PELI2: variants seen among roughly 807,000 people sequenced by gnomAD.
The protein encoded by PELI2 is pellino E3 ubiquitin protein ligase family member 2, also known as E3 ubiquitin-protein ligase pellino homolog 2.
Under a neutral mutation model 42.3 loss-of-function variants are expected in PELI2, and 23 were observed. The ratio of observed to expected loss-of-function variants is 0.54; its 90% CI spans 0.39 to 0.77. The LOEUF is 0.77. Among genes scored for constraint, PELI2 ranks in the 30% least tolerant of loss-of-function variants. PELI2 has a pLI of 0.00. For missense variants in PELI2, 463 were observed against 553.2 expected, an observed-to-expected ratio of 0.84 and a Z score of 1.64; for synonymous variants, 245 against 212.2, an observed-to-expected ratio of 1.15 and a Z score of -1.34.
At chr14:56,254,503 A>C (rs1888456858) in intron 2 of PELI2, among the ~76,000 whole-genome samples, 1 of 152,126 alleles carries the variant, frequency 6.6e-6, no homozygotes, top group Non-Finnish European at 1.5e-5. Flanking sequence ...AGCTGGACTA[A>C]AGACTTAAAC....
At chr14:56,157,282 G>T (rs901166990) in intron 1 of PELI2, among the ~76,000 whole-genome samples, 3 of 152,184 alleles carry the variant, frequency 2.0e-5, no homozygotes, top group Non-Finnish European at 4.4e-5. Flanking sequence ...GTAAGAAAAT[G>T]TACTTCTAGA....
At chr14:56,182,760 C>T (rs1254573501) in intron 2 of PELI2, among the ~76,000 whole-genome samples, 1 of 152,138 alleles carries the variant, frequency 6.6e-6, no homozygotes, top group Non-Finnish European at 1.5e-5. Context: ...ACTTTCTTAT[C>T]AGTTGATGAA....
chr14:56,180,114 A>G lies in PELI2; in HGVS notation c.207+1650A>G, dbSNP rs1885525271. Among the ~76,000 whole-genome samples the G allele has an allele frequency of 6.6e-6, 1 of 152,204 alleles. No homozygotes were observed. The highest frequency in any genetic ancestry group is 2.1e-4 in the South Asian group (1 of 4,820). ...TATTTAGATTATTAATCTTTTGATAATTGTCATCTAAGTCTGTGTTTAAAA... is the reference window on the plus strand; with the variant it reads ...TATTTAGATTATTAATCTTTTGATAGTTGTCATCTAAGTCTGTGTTTAAAA... On this transcript the variant is annotated intron_variant, in intron 2 of 5. Coordinates refer to ENST00000267460, the MANE Select transcript of PELI2 (RefSeq NM_021255.3). This position sits in a 1 kb window ranked among gnomAD's most constrained non-coding sequence, Gnocchi z 4.4.
intron 2 of PELI2, among the ~76,000 whole-genome samples, chr14:56,254,677 A>G (rs528314270): frequency 6.6e-6 from 1 of 152,228 alleles, no homozygotes; most frequent in East Asian, 1.9e-4. Context: ...TGCACAGCAA[A>G]GAAACTATCA....
At chr14:56,244,722 C>T (rs1888090809) in intron 2 of PELI2, among the ~76,000 whole-genome samples, 1 of 152,042 alleles carries the variant, frequency 6.6e-6, no homozygotes, top group Non-Finnish European at 1.5e-5. Context: ...CAGCTTTTCT[C>T]CATTGAGTTG....
At chr14:56,279,897 A>G in intron 3 of PELI2, 120 bp downstream of exon 3, 1 of 440,576 alleles carries the variant, frequency 2.3e-6, no homozygotes, top group Non-Finnish European at 4.0e-6. Context: ...AGATAATATA[A>G]AAATTATTCC....
At chr14:56,133,233 T>G (rs1490176166) in intron 1 of PELI2, among the ~76,000 whole-genome samples, 1 of 152,230 alleles carries the variant, frequency 6.6e-6, no homozygotes, top group Non-Finnish European at 1.5e-5. Flanking sequence ...ATTTAATTAA[T>G]GCTAAAAATC....
intron 2 of PELI2, among the ~76,000 whole-genome samples, chr14:56,260,738 C>T (rs145437192): frequency 3.3e-4 from 50 of 152,234 alleles, no homozygotes; most frequent in African/African-American, 1.2e-3. Context: ...CCTCAAGAAG[C>T]GAACACACTC....
intron 2 of PELI2, among the ~76,000 whole-genome samples, chr14:56,223,311 C>A (rs1395287448): frequency 6.6e-6 from 1 of 152,182 alleles, no homozygotes; most frequent in Admixed American, 6.5e-5. Context: ...CTTAGGCTCC[C>A]AGTGCTCTCT....
chr14:56,177,984 G>C (rs1190918562), intron 1 of PELI2, among the ~76,000 whole-genome samples: 1 of 152,046 alleles, frequency 6.6e-6, no homozygotes, highest in Non-Finnish European at 1.5e-5. Context: ...TGTATCTCTG[G>C]GGTCTATTAG....
chr14:56,207,246 C>G (rs1246326199), intron 2 of PELI2, among the ~76,000 whole-genome samples: 4 of 152,080 alleles, frequency 2.6e-5, no homozygotes, highest in African/African-American at 9.7e-5. Flanking sequence ...CTATATAAAC[C>G]TTAATGTTCC....
At chr14:56,289,269 AGTGGTTCT>A (rs974471547) in intron 4 of PELI2, among the ~76,000 whole-genome samples, 1 of 152,164 alleles carries the variant, frequency 6.6e-6, no homozygotes, top group Non-Finnish European at 1.5e-5. Flanking sequence ...TTGGTGGTTC[AGTGGTTCT>A]GTGACATCCA....
At chr14:56,183,281 T>TGTGCAGGA (rs1365597396) in intron 2 of PELI2, among the ~76,000 whole-genome samples, 1 of 152,174 alleles carries the variant, frequency 6.6e-6, no homozygotes. Flanking sequence ...TCTTTAATAC[T>TGTGCAGGA]GTGCAGGAAT....
At chr14:56,232,043 C>T (rs1390265910) in intron 2 of PELI2, among the ~76,000 whole-genome samples, 9 of 152,182 alleles carry the variant, frequency 5.9e-5, no homozygotes, top group African/African-American at 1.7e-4. Flanking sequence ...CATACACCCT[C>T]CCAAGACTAA....
intron 2 of PELI2, among the ~76,000 whole-genome samples, chr14:56,234,494 C>T (rs1255675844): frequency 6.6e-6 from 1 of 152,146 alleles, no homozygotes; most frequent in Non-Finnish European, 1.5e-5. Context: ...AGCAAACTAT[C>T]ACAAGGACAG....
chr14:56,265,002 TA>T (rs535255797), intron 2 of PELI2, among the ~76,000 whole-genome samples: 7 of 152,280 alleles, frequency 4.6e-5, no homozygotes, highest in Admixed American at 4.6e-4. Flanking sequence ...ATTGAGGACC[TA>T]AATATGTGGA....
chr14:56,175,353 C>T (rs1885334373), intron 1 of PELI2, among the ~76,000 whole-genome samples: 1 of 152,206 alleles, frequency 6.6e-6, no homozygotes, highest in Admixed American at 6.5e-5. Flanking sequence ...ATGCGTCCTG[C>T]CATGTGCCTT....
intron 1 of PELI2, among the ~76,000 whole-genome samples, chr14:56,135,420 A>T (rs933607576): frequency 6.6e-6 from 1 of 152,198 alleles, no homozygotes; most frequent in Non-Finnish European, 1.5e-5. Flanking sequence ...TAATGGGCGC[A>T]TGCTCTCAAT....
At chr14:56,200,312 T>G in intron 2 of PELI2, among the ~76,000 whole-genome samples, 1 of 151,160 alleles carries the variant, frequency 6.6e-6, no homozygotes. Flanking sequence ...TGCATATTTT[T>G]TTTTACTTTC....
Sources: allele counts gnomAD v4.1 joint callset (sites outside exome capture counted in the v4.1 genomes callset), GRCh38; gene constraint gnomAD v4.1.1; non-coding constraint Gnocchi (gnomAD v3.1); transcripts MANE v1.5; gene names NCBI Gene and HGNC (gene_info 2026-07-23, HGNC 2026-07-21).